The following DMD variants were observed in gnomAD, a reference collection of about 807,000 sequenced individuals.
The protein encoded by DMD is mutant dystrophin.
DMD carries 63 observed loss-of-function variants against 330.1 expected under a neutral mutation model. The ratio of observed to expected loss-of-function variants is 0.19; its 90% CI spans 0.16 to 0.24. The LOEUF is 0.24. DMD is among the 10% of genes least tolerant of loss of function. The pLI is 1.00. For missense variants in DMD, 3,344 were observed against 2,684.1 expected (o/e 1.25, Z -5.43); for synonymous variants, 1,223 against 959.8 (o/e 1.27, Z -5.07).
chrX:32,357,221 T>A (rs188850542), intron 37 of DMD, among the ~76,000 whole-genome samples: 228 of 112,133 alleles, frequency 2.0e-3, no homozygotes, highest in African/African-American at 6.8e-3. Flanking sequence ...ACTTTCCTAG[T>A]CAATCAGAGT....
intron 60 of DMD, among the ~76,000 whole-genome samples, chrX:31,351,714 A>G (rs1013730671): frequency 4.8e-5 from 4 of 83,266 alleles, no homozygotes; most frequent in African/African-American, 1.8e-4. Context: ...TAACAGAACA[A>G]GACTCCATCT....
chrX:32,950,720 C>CT (rs2146933433), intron 2 of DMD, among the ~76,000 whole-genome samples: 1 of 111,339 alleles, frequency 9.0e-6, no homozygotes, highest in Non-Finnish European at 1.9e-5. Flanking sequence ...AAAAAATGAA[C>CT]TTTCTTCTTT....
At chrX:32,590,106 C>A (rs745390313) in intron 13 of DMD, among the ~76,000 whole-genome samples, 3 of 111,984 alleles carry the variant, frequency 2.7e-5, no homozygotes, top group Non-Finnish European at 5.6e-5. Flanking sequence ...TTAATACTAC[C>A]ACAAAGTATT....
At chrX:32,594,851 T>C (rs1358315001) in intron 13 of DMD, among the ~76,000 whole-genome samples, 1 of 111,666 alleles carries the variant, frequency 9.0e-6, no homozygotes, top group Non-Finnish European at 1.9e-5. Flanking sequence ...TCCACGACAA[T>C]TCCAGCCAAT....
At chrX:32,952,236 C>G (rs916825831) in intron 2 of DMD, among the ~76,000 whole-genome samples, 5 of 109,796 alleles carry the variant, frequency 4.6e-5, no homozygotes, top group African/African-American at 1.7e-4. Flanking sequence ...TGGGTTCAAG[C>G]GATTCTCCCG....
intron 55 of DMD, among the ~76,000 whole-genome samples, chrX:31,577,010 C>T (rs1021007090): frequency 2.7e-5 from 3 of 111,880 alleles, no homozygotes; most frequent in African/African-American, 6.5e-5. Flanking sequence ...CCACCGCGCC[C>T]GGCCGATGAG....
chrX:32,037,117 G>A (rs897944982), intron 44 of DMD, among the ~76,000 whole-genome samples: 8 of 111,798 alleles, frequency 7.2e-5, no homozygotes, highest in African/African-American at 2.0e-4. Context: ...AGTCAAGAGG[G>A]AAATAACCAG....
At chrX:33,076,557 A>G (rs1454353743) in intron 1 of DMD, among the ~76,000 whole-genome samples, 1 of 111,709 alleles carries the variant, frequency 9.0e-6, no homozygotes, top group Non-Finnish European at 1.9e-5. Flanking sequence ...TAAATTTTAA[A>G]ACTGAGAAAT....
intron 44 of DMD, among the ~76,000 whole-genome samples, chrX:32,039,921 G>A (rs749059580): frequency 7.9e-4 from 87 of 110,805 alleles, no homozygotes; most frequent in African/African-American, 2.6e-3. Context: ...GTGCCTGGGG[G>A]AAAAATGTTC....
intron 62 of DMD, among the ~76,000 whole-genome samples, chrX:31,264,395 T>C (rs953155557): frequency 3.6e-5 from 4 of 112,590 alleles, no homozygotes; most frequent in African/African-American, 1.3e-4. Flanking sequence ...CCTGTTCACA[T>C]GTTAATGGGT....
intron 2 of DMD, among the ~76,000 whole-genome samples, chrX:32,894,634 G>C (rs1343871839): frequency 8.9e-6 from 1 of 112,742 alleles, no homozygotes. Context: ...GGGCTCAGAT[G>C]TTCCTCATAG....
chrX:32,512,739 T>G (rs1474966402), intron 18 of DMD, among the ~76,000 whole-genome samples: 1 of 112,358 alleles, frequency 8.9e-6, no homozygotes, highest in Non-Finnish European at 1.9e-5. Context: ...GTTATCAAAG[T>G]TAACCTGATT....
At chrX:32,763,208 T>C (rs2072545225) in intron 7 of DMD, among the ~76,000 whole-genome samples, 1 of 112,149 alleles carries the variant, frequency 8.9e-6, no homozygotes, top group Non-Finnish European at 1.9e-5. Flanking sequence ...ATTAATCTTC[T>C]TCATTCAAAA....
At chrX:32,422,269 A>G (rs762686110) in intron 29 of DMD, among the ~76,000 whole-genome samples, 8 of 111,433 alleles carry the variant, frequency 7.2e-5, no homozygotes, top group Non-Finnish European at 1.5e-4. Flanking sequence ...CTGAATAATC[A>G]TCAGAATGAA....
intron 63 of DMD, among the ~76,000 whole-genome samples, chrX:31,259,844 C>T (rs1273875435): frequency 9.0e-6 from 1 of 110,882 alleles, no homozygotes; most frequent in Non-Finnish European, 1.9e-5. Context: ...CACACACACC[C>T]CACTTACGTA....
At position 31,993,969 on chromosome X, in the gene DMD, T is replaced by C. The variant is rs185313830; in HGVS notation, c.6439-25455A>G. On this transcript the variant is annotated intron_variant, in intron 44 of 78. Coordinates refer to ENST00000357033, the MANE Select transcript of DMD (RefSeq NM_004006.3). ...ATTGAAGCATCAGGATTTAAAATGA[T>C]AGCCCAGCCTCTGTAAATAATGCAA... 7.2e-5 allele frequency among the ~76,000 whole-genome samples: 8 copies of C among 111,502 alleles called. No homozygotes were observed. In the East Asian group the frequency reaches 2.3e-3, roughly 32 times the overall value.
intron 60 of DMD, among the ~76,000 whole-genome samples, chrX:31,431,501 C>T (rs1602753973): frequency 9.0e-6 from 1 of 110,860 alleles, no homozygotes; most frequent in African/African-American, 3.3e-5. Flanking sequence ...GGGTTCAAGC[C>T]ATTCTCCTGC....
intron 1 of DMD, among the ~76,000 whole-genome samples, chrX:33,246,840 C>T (rs1405032998): frequency 9.1e-6 from 1 of 109,914 alleles, no homozygotes; most frequent in Non-Finnish European, 1.9e-5. Context: ...CGCACACCAC[C>T]ACCCCCAGCT....
At chrX:31,679,717 G>A (rs1001643558) in intron 52 of DMD, 131 bp from the exon 53 acceptor site, 2 of 559,348 alleles carry the variant, frequency 3.6e-6, no homozygotes, top group Non-Finnish European at 2.9e-6. Context: ...GTTATGGCTA[G>A]GATGATGAAC....
Sources: allele counts gnomAD v4.1 joint callset (sites outside exome capture counted in the v4.1 genomes callset), GRCh38; gene constraint gnomAD v4.1.1; transcripts MANE v1.5; gene names NCBI Gene and HGNC (gene_info 2026-07-23, HGNC 2026-07-21).